The following AKNAD1 variants were observed in gnomAD, a reference collection of about 807,000 sequenced individuals.
The protein encoded by AKNAD1 is AKNA domain containing 1.
In AKNAD1, 67 loss-of-function variants were observed where a neutral mutation model predicts 90.8. The observed-to-expected ratio is 0.74, with a 90% CI of 0.61 to 0.90. AKNAD1 has a LOEUF of 0.90. AKNAD1 is among the 40% of genes least tolerant of loss of function. The probability of loss-of-function intolerance (pLI) is 0.00; values close to 1 mark genes in which losing one functional copy is unlikely to be tolerated. For missense variants in AKNAD1, 957 were observed against 975.4 expected, an observed-to-expected ratio of 0.98 and a Z score of 0.25; for synonymous variants, 327 against 341.4, an observed-to-expected ratio of 0.96 and a Z score of 0.46.
intron 10 of AKNAD1, among the ~76,000 whole-genome samples, chr1:108,828,934 T>G (rs1307597141): frequency 6.6e-6 from 1 of 151,854 alleles, no homozygotes; most frequent in Non-Finnish European, 1.5e-5. Context: ...AGTACACACT[T>G]AAATCCAAAG....
chr1:108,849,396 T>C, intron 3 of AKNAD1, 141 bp downstream of exon 3: 1 of 614,590 alleles, frequency 1.6e-6, no homozygotes, highest in Non-Finnish European at 2.9e-6. Flanking sequence ...GGAGGATCAT[T>C]TGAGCCCCAG....
chr1:108,816,960 G>A, intron 15 of AKNAD1, 88 bp downstream of exon 15: 1 of 1,496,494 alleles, frequency 6.7e-7, no homozygotes, highest in South Asian at 1.3e-5. Flanking sequence ...CTCTGATACT[G>A]TAATAACTTA....
chr1:108,855,721 G>T (rs578116850), intron 1 of AKNAD1, among the ~76,000 whole-genome samples: 1 of 152,176 alleles, frequency 6.6e-6, no homozygotes, highest in East Asian at 1.9e-4. Flanking sequence ...GGGAGGCAGA[G>T]GTTGCAGTGA....
At chr1:108,854,425 G>C (rs1458820766) in intron 1 of AKNAD1, among the ~76,000 whole-genome samples, 1 of 152,170 alleles carries the variant, frequency 6.6e-6, no homozygotes, top group Admixed American at 6.5e-5. Flanking sequence ...ATTTTTATGA[G>C]TCTATAAGCT....
At chr1:108,836,573 C>T (rs1664394161) in intron 7 of AKNAD1, among the ~76,000 whole-genome samples, 2 of 152,164 alleles carry the variant, frequency 1.3e-5, no homozygotes, top group South Asian at 4.1e-4. Context: ...TTTTGCCAGG[C>T]AAGTAAGTGC....
At chr1:108,842,639 T>C (rs970026414) in intron 6 of AKNAD1, among the ~76,000 whole-genome samples, 1 of 151,950 alleles carries the variant, frequency 6.6e-6, no homozygotes, top group African/African-American at 2.4e-5. Context: ...CTTGGAATTA[T>C]CAGTGAATGG....
chr1:108,844,482 C>T (rs1664647292), intron 5 of AKNAD1, among the ~76,000 whole-genome samples: 1 of 151,406 alleles, frequency 6.6e-6, no homozygotes, highest in African/African-American at 2.4e-5. Flanking sequence ...TTGCCAAGGC[C>T]CAGTGGAAGG....
chr1:108,843,265 G>A lies in AKNAD1; in HGVS notation c.1248C>T (p.Val416=), dbSNP rs760882284. ...SPYHLQDKKL[V]LEKLQGHLEL... ...CAAGGTGTCCCTGCAGTTTCTCCAG[G>A]ACCTGCAGCGGTGAAGTCACTGGAA... The change falls in exon 6 of 16, where the codon GTC becomes GTT. Residue 416 remains valine, a splice_region_variant and synonymous_variant. Coordinates refer to ENST00000370001, the MANE Select transcript of AKNAD1 (RefSeq NM_152763.5). The A allele has an allele frequency of 6.2e-7, 1 of 1,613,432 alleles. No homozygotes were observed. Among genetic ancestry groups the A allele is most frequent in the East Asian group, 2.2e-5 (1 of 44,884 alleles).
Position 108,852,743 on chromosome 1 carries a change from C to T in AKNAD1, c.-79G>A. The T allele has an allele frequency of 2.2e-6, 3 of 1,368,786 alleles. No homozygotes were observed. Among genetic ancestry groups the T allele is most frequent in the Non-Finnish European group, 3.0e-6 (3 of 1,013,578 alleles). 84.8% of individuals were successfully genotyped at this position (1,368,786 alleles called of 1,614,324 possible). On this transcript the variant is annotated 5_prime_UTR_variant, in exon 2 of 16. It adds an upstream start codon to the 5' untranslated region. Transcript: ENST00000370001. ...GTTGTAACAATAGCTCTGGTTCTCA[C>T]TGACTGTCTTCACTGTGTGCTATTC...
intron 2 of AKNAD1, among the ~76,000 whole-genome samples, 159 bp from the exon 3 acceptor site, chr1:108,849,735 C>G (rs182001935): frequency 1.3e-5 from 2 of 152,320 alleles, no homozygotes; most frequent in East Asian, 3.9e-4. Flanking sequence ...CTGACACTTA[C>G]TTGCTGGGCA....
At chr1:108,840,649 A>G (rs889733771) in intron 6 of AKNAD1, among the ~76,000 whole-genome samples, 1 of 152,230 alleles carries the variant, frequency 6.6e-6, no homozygotes, top group Non-Finnish European at 1.5e-5. Context: ...ATAGACACAT[A>G]GATCAATGGG....
intron 7 of AKNAD1, among the ~76,000 whole-genome samples, chr1:108,836,434 G>A (rs779060441): frequency 2.0e-5 from 3 of 152,180 alleles, no homozygotes; most frequent in South Asian, 2.1e-4. Context: ...CCAGTGCTGC[G>A]GGGACACAGA....
At chr1:108,822,419 A>G (rs1663845862) in intron 13 of AKNAD1, among the ~76,000 whole-genome samples, 2 of 152,340 alleles carry the variant, frequency 1.3e-5, no homozygotes, top group Non-Finnish European at 2.9e-5. Flanking sequence ...CAAGTGTCAC[A>G]GGCTGTAGAC....
chr1:108,846,284 G>A lies in AKNAD1; in HGVS notation c.1245+2468C>T, dbSNP rs571235393. On this transcript the variant is annotated intron_variant, in intron 5 of 15. Transcript: ENST00000370001. ...CAGGAGCCACCTTTACTCTCCTCTC[G>A]GTCAGCAGGGATCCTCACATACCTG... Among the ~76,000 whole-genome samples, 20 of 152,116 alleles carry A rather than the reference G, an allele frequency of 1.3e-4. No individual in the cohort carries two copies. In the South Asian group the frequency reaches 2.7e-3, roughly 21 times the overall value.
At chr1:108,816,878 C>T (rs1663629372) in intron 15 of AKNAD1, 170 bp downstream of exon 15, 3 of 687,980 alleles carry the variant, frequency 4.4e-6, no homozygotes, top group Non-Finnish European at 7.0e-6. Context: ...ACAAACCTTG[C>T]GACTGCTGAG....
chr1:108,837,509 T>G lies in AKNAD1; in HGVS notation c.1536+41A>C, dbSNP rs61641200. 6.5e-4 allele frequency: 1,022 copies of G among 1,563,146 alleles called. 8 individuals carry two copies. The African/African-American group carries it at 0.012, about 18-fold the overall frequency. On this transcript the variant is annotated intron_variant, in intron 7 of 15. Coordinates refer to ENST00000370001, the MANE Select transcript of AKNAD1 (RefSeq NM_152763.5). ...GGAGTCTATAAATGCAAAAACACCATTTTTCCTGGCACAAAATTAGACTGT... is the reference window on the plus strand; with the variant it reads ...GGAGTCTATAAATGCAAAAACACCAGTTTTCCTGGCACAAAATTAGACTGT...
In AKNAD1 at chr1:108,851,963, C is replaced by G. The variant is rs773348682; in HGVS notation, c.702G>C (p.Gln234His). The part of the protein sequence containing the change: ...KQKSYQGQSP[Q>H]KQQTEKANSG... Reference sequence around the variant, plus strand: ...AATTTGCTTTTTCAGTCTGCTGTTTCTGGGGTGACTGCCCTTGATAACTTT... The same window carrying G: ...AATTTGCTTTTTCAGTCTGCTGTTTGTGGGGTGACTGCCCTTGATAACTTT... Residue 234 changes from glutamine to histidine, a missense_variant, in exon 2 of 16, where the codon CAG becomes CAC. Physicochemically the swap from Gln to His is conservative, Grantham distance 24. Transcript: ENST00000370001. The G allele has an allele frequency of 6.2e-7, 1 of 1,614,178 alleles. No individual in the cohort carries two copies. Among genetic ancestry groups the G allele is most frequent in the South Asian group, 1.1e-5 (1 of 91,084 alleles).
At chr1:108,847,264 A>G (rs1664729633) in intron 5 of AKNAD1, among the ~76,000 whole-genome samples, 1 of 152,068 alleles carries the variant, frequency 6.6e-6, no homozygotes, top group Non-Finnish European at 1.5e-5. Flanking sequence ...CCCAGCCAAC[A>G]TGGTGAAACC....
At position 108,831,973 on chromosome 1, in the gene AKNAD1, ATTAATTTTCTT is replaced by A. The variant is rs1664213754; in HGVS notation, c.1747-1334_1747-1324del. On this transcript the variant is annotated intron_variant, in intron 9 of 15. Transcript: ENST00000370001. ...ACTTTTTAGCTCATGTCCTTTGTCC[ATTAATTTTCTT>A]GGAGGGTTTCAGTGTTTTCCTGTTA... Among the ~76,000 whole-genome samples the A allele has an allele frequency of 4.6e-5, 7 of 151,614 alleles. No homozygotes were observed. The South Asian group carries it at 1.5e-3, about 32-fold the overall frequency.
Sources: allele counts gnomAD v4.1 joint callset (sites outside exome capture counted in the v4.1 genomes callset), GRCh38; gene constraint gnomAD v4.1.1; transcripts MANE v1.5; gene names NCBI Gene and HGNC (gene_info 2026-07-23, HGNC 2026-07-21).